RADIL: variants seen among roughly 807,000 people sequenced by gnomAD.
The protein encoded by RADIL is ras-associating and dilute domain-containing protein.
A neutral mutation model predicts 97.6 loss-of-function variants in RADIL; 99 were observed. The ratio of observed to expected loss-of-function variants is 1.01; its 90% confidence interval spans 0.86 to 1.20. The LOEUF (loss-of-function observed/expected upper bound fraction) is 1.20. RADIL is among the 50% of genes most tolerant of loss of function. The pLI, the probability that RADIL is intolerant of heterozygous loss-of-function variation, is 0.00. For synonymous variants in RADIL, 803 were observed against 691.8 expected, an observed-to-expected ratio of 1.16 and a Z score of -2.52; for missense variants, 1,765 against 1,498.9, an observed-to-expected ratio of 1.18 and a Z score of -2.93.
rs368100702 is a variant in RADIL, at chr7:4,805,659, G to C, written c.2197C>G (p.Arg733Gly). 77 of 1,611,628 alleles carry C rather than the reference G, an allele frequency of 4.8e-5. No homozygotes were observed. Among genetic ancestry groups the C allele is most frequent in the Non-Finnish European group, 6.5e-5 (77 of 1,179,874 alleles). Residue 733 changes from arginine (R) to glycine (G), a missense_variant, in exon 10 of 15, where the codon CGG becomes GGG. Physicochemically the swap from Arg to Gly is moderately radical, Grantham distance 125. Coordinates refer to ENST00000399583, the MANE Select transcript of RADIL (RefSeq NM_018059.5). ...FPALSPAQLHRLLTHYQLASA... is the reference protein window; with the variant it reads ...FPALSPAQLHGLLTHYQLASA... ...GCCAGCTGGTAGTGAGTCAGCAGCC[G>C]GTGCAGCTGTGCTGGGCTCAGTGCG...
rs892768507 is a variant in RADIL, at chr7:4,837,462, G to A, written c.536-857C>T. On this transcript the variant is annotated intron_variant, in intron 2 of 14. Transcript: ENST00000399583. The surrounding 1 kb of genome is among the most constrained non-coding windows in gnomAD (Gnocchi z 5.6). ...CCACATCACCCCAGCCCATGGGGCT[G>A]CCGATGGCCTGCTCCTGCAACAGCA... Among the ~76,000 whole-genome samples, 11 of 152,216 alleles carry A rather than the reference G, an allele frequency of 7.2e-5. No individual in the cohort carries two copies. The highest frequency in any genetic ancestry group is 1.3e-4 in the Admixed American group (2 of 15,284).
chr7:4,871,679 CCACA>C, intron 2 of RADIL, among the ~76,000 whole-genome samples: 1 of 152,212 alleles, frequency 6.6e-6, no homozygotes, highest in South Asian at 2.1e-4. Context: ...CACCACCCTC[CCACA>C]CACACACAAA....
chr7:4,860,358 T>C, intron 2 of RADIL: 2 of 1,613,986 alleles, frequency 1.2e-6, no homozygotes, highest in Non-Finnish European at 8.5e-7. Flanking sequence ...TGCATTGCAG[T>C]AATTTTCATA....
Position 4,816,236 on chromosome 7 carries a change from A to T in RADIL, c.1958T>A (p.Leu653His). 6.2e-7 allele frequency: 1 copy of T among 1,609,780 alleles called. No homozygotes were observed. The highest frequency in any genetic ancestry group is 8.5e-7 in the Non-Finnish European group (1 of 1,177,410). Residue 653 changes from leucine (L) to histidine (H), a missense_variant, in exon 8 of 15, where the codon CTC (leucine) becomes CAC (histidine). By Grantham distance (99) the Leu-to-His change is moderately conservative. Transcript: ENST00000399583. ...CTGCACGAGGCCCTCACCCCTGTCG[A>T]GGAGCTGGTTGAGAAGCAGTGTCCC... The part of the protein sequence containing the change: ...FSGTLLLNQL[L>H]DRGPSLSCFH...
At chr7:4,860,588 T>C (rs765804063) in intron 2 of RADIL, 1 of 1,614,242 alleles carries the variant, frequency 6.2e-7, no homozygotes. Context: ...AAATTCATTC[T>C]TCTCCAAGCT....
chr7:4,822,361 G>C lies in RADIL; in HGVS notation c.1615+33C>G. ...GCCACACTCCCCTGCCTGGGGTGCT[G>C]GCGGGGGGAATGGAGGGCAGCGCCA... On this transcript the variant is annotated intron_variant, in intron 6 of 14. Coordinates refer to ENST00000399583, the MANE Select transcript of RADIL (RefSeq NM_018059.5). This position sits in a 1 kb window ranked among gnomAD's most constrained non-coding sequence, Gnocchi z 5.3. The C allele has an allele frequency of 1.3e-6, 2 of 1,589,674 alleles. No homozygotes were observed. Among genetic ancestry groups the C allele is most frequent in the South Asian group, 1.1e-5 (1 of 88,224 alleles).
chr7:4,802,682 T>C (rs557993890), intron 11 of RADIL, among the ~76,000 whole-genome samples: 1,511 of 43,866 alleles, frequency 0.034, 3 homozygotes, highest in African/African-American at 0.11. Context: ...CCTCCCCGGG[T>C]ACCTCGGGGC....
rs1783242057 is a variant in RADIL at position 4,834,598 on chromosome 7, C to G, written c.1416+9G>C. Reference sequence around the variant, plus strand: ...ACAGGACCCAGACCGCCCACCCCAGCACACTGACCCAGACAGTCTCGCGGA... The same window carrying G: ...ACAGGACCCAGACCGCCCACCCCAGGACACTGACCCAGACAGTCTCGCGGA... On this transcript the variant is annotated intron_variant, in intron 4 of 14. Coordinates refer to ENST00000399583, the MANE Select transcript of RADIL (RefSeq NM_018059.5). The surrounding 1 kb of genome is among the most constrained non-coding windows in gnomAD (Gnocchi z 6.0). 7.5e-7 allele frequency: 1 copy of G among 1,325,586 alleles called. No homozygotes were observed. The allele number at this position is 1,325,586 out of a possible 1,614,324, so 82.1% of individuals were successfully genotyped here.
In RADIL at chr7:4,875,171, G is replaced by A. The variant is rs189136147; in HGVS notation, c.535+2434C>T. Among the ~76,000 whole-genome samples, 89 of 135,924 alleles carry A rather than the reference G, an allele frequency of 6.5e-4. 2 individuals are homozygous for A. The East Asian group carries it at 8.7e-3, about 13-fold the overall frequency. The allele number at this position is 135,924 out of a possible 152,430, so 89.2% of individuals were successfully genotyped here. ...TGTGCCACTGCACTCCAGCCTGGGC[G>A]ACAGAGCGAGACTCCATCTCCAACA... On this transcript the variant is annotated intron_variant, in intron 2 of 14. Coordinates refer to ENST00000399583, the MANE Select transcript of RADIL (RefSeq NM_018059.5).
Position 4,862,783 on chromosome 7 carries a change from G to C in RADIL, c.535+14822C>G, listed in dbSNP as rs1015219991. 6.6e-5 allele frequency among the ~76,000 whole-genome samples: 10 copies of C among 152,150 alleles called. No homozygotes were observed. The South Asian group carries it at 2.1e-3, about 32-fold the overall frequency. ...GTGGTGGTGCATGCCTGTAATCCCA[G>C]CTACTCGGGAGGCTGAGGCAGGAGA... On this transcript the variant is annotated intron_variant, in intron 2 of 14. Coordinates refer to ENST00000399583, the MANE Select transcript of RADIL (RefSeq NM_018059.5).
In RADIL at chr7:4,819,174, C is replaced by A. The variant is rs543121639; in HGVS notation, c.1616-1823G>T. ...GCAGCCTCAGCTTTCCAGGTTCAAGCGATTCTCCTGCCTCAGCCTCCCAAG... is the reference window on the plus strand; with the variant it reads ...GCAGCCTCAGCTTTCCAGGTTCAAGAGATTCTCCTGCCTCAGCCTCCCAAG... On this transcript the variant is annotated intron_variant, in intron 6 of 14. Coordinates refer to ENST00000399583, the MANE Select transcript of RADIL (RefSeq NM_018059.5). The surrounding 1 kb of genome is among the most constrained non-coding windows in gnomAD (Gnocchi z 5.8). 6.6e-6 allele frequency among the ~76,000 whole-genome samples: 1 copy of A among 151,632 alleles called. No individual in the cohort carries two copies. The highest frequency in any genetic ancestry group is 1.5e-5 in the Non-Finnish European group (1 of 67,970).
chr7:4,865,730 A>C (rs1784117250), intron 2 of RADIL: 6 of 1,077,862 alleles, frequency 5.6e-6, no homozygotes, highest in East Asian at 2.3e-5. Flanking sequence ...GGGTGGGTGC[A>C]ATCAAGAGTG....
At position 4,818,943 on chromosome 7, in the gene RADIL, G is replaced by C. The variant is rs952599601; in HGVS notation, c.1616-1592C>G. On this transcript the variant is annotated intron_variant, in intron 6 of 14. Coordinates refer to ENST00000399583, the MANE Select transcript of RADIL (RefSeq NM_018059.5). This position sits in a 1 kb window ranked among gnomAD's most constrained non-coding sequence, Gnocchi z 7.1. ...TTTTATTTAATTTTTGGTAGAGATG[G>C]GATCTCACTATGTTGCCCAGGCTGG... Among the ~76,000 whole-genome samples, 1 of 152,032 alleles carries C rather than the reference G, an allele frequency of 6.6e-6. No individual in the cohort carries two copies. The highest frequency in any genetic ancestry group is 1.5e-5 in the Non-Finnish European group (1 of 68,006).
At chr7:4,851,525 G>A (rs544141042) in intron 2 of RADIL, among the ~76,000 whole-genome samples, 26 of 152,322 alleles carry the variant, frequency 1.7e-4, no homozygotes, top group South Asian at 2.1e-4. Flanking sequence ...AGAAGGAAGC[G>A]AGGGGCATGT....
intron 9 of RADIL, among the ~76,000 whole-genome samples, chr7:4,807,835 T>TCTCC (rs144953315): frequency 0.016 from 516 of 32,316 alleles, 18 homozygotes; most frequent in Middle Eastern, 0.036. Flanking sequence ...TCTTCTTCTC[T>TCTCC]CTCCCTCTCT....
At chr7:4,838,770 T>A (rs970875695) in intron 2 of RADIL, among the ~76,000 whole-genome samples, 2 of 152,182 alleles carry the variant, frequency 1.3e-5, no homozygotes, top group Non-Finnish European at 2.9e-5. Context: ...GCCACAAGCA[T>A]GACAGAGCCT....
Position 4,822,694 on chromosome 7 carries a change from G to T in RADIL, c.1455-140C>A. On this transcript the variant is annotated intron_variant, in intron 5 of 14. Transcript: ENST00000399583. The surrounding 1 kb of genome is among the most constrained non-coding windows in gnomAD (Gnocchi z 5.3). ...ACCATCAACCTGACACTGCTGGGCG[G>T]GGACGTTTAACAATACGTGTACCCG... is the stretch of plus-strand genomic sequence containing the variant. 9.9e-7 allele frequency: 1 copy of T among 1,012,438 alleles called. No homozygotes were observed. Among genetic ancestry groups the T allele is most frequent in the Non-Finnish European group, 1.4e-6 (1 of 708,830 alleles). The allele number at this position is 1,012,438 out of a possible 1,614,324, so 62.7% of individuals were successfully genotyped here.
intron 13 of RADIL, 131 bp from the exon 14 acceptor site, chr7:4,799,900 G>A (rs537701483): frequency 3.2e-5 from 43 of 1,336,044 alleles, no homozygotes; most frequent in Middle Eastern, 2.7e-4. Context: ...ATGGTTTCAC[G>A]CGTCCCTCCA....
In RADIL at chr7:4,883,029, G is replaced by C. The variant is rs948829289; in HGVS notation, c.-65+567C>G. Among the ~76,000 whole-genome samples the C allele has an allele frequency of 1.3e-5, 2 of 152,204 alleles. No individual in the cohort carries two copies. The highest frequency in any genetic ancestry group is 2.4e-5 in the African/African-American group (1 of 41,464). Reference sequence around the variant, plus strand: ...TATCTTGGATGCAGTATTTGTCGAGGGGCTGGAAATGGTACATAAATAGCC... The same window carrying C: ...TATCTTGGATGCAGTATTTGTCGAGCGGCTGGAAATGGTACATAAATAGCC... On this transcript the variant is annotated intron_variant, in intron 1 of 14. Coordinates refer to ENST00000399583, the MANE Select transcript of RADIL (RefSeq NM_018059.5). This position sits in a 1 kb window ranked among gnomAD's most constrained non-coding sequence, Gnocchi z 7.1.
Sources: allele counts gnomAD v4.1 joint callset (sites outside exome capture counted in the v4.1 genomes callset), GRCh38; gene constraint gnomAD v4.1.1; non-coding constraint Gnocchi (gnomAD v3.1); transcripts MANE v1.5; gene names NCBI Gene and HGNC (gene_info 2026-07-23, HGNC 2026-07-21).